Variants in FIBP observed in about 807,000 individuals in gnomAD.
FIBP encodes the protein acidic fibroblast growth factor intracellular-binding protein.
Under a neutral mutation model 40.5 loss-of-function variants are expected in FIBP, and 29 were observed. That is an observed-to-expected ratio of 0.72 (90% CI 0.53 to 0.98). The LOEUF is 0.98. Ranked by LOEUF, FIBP falls within the 50% of genes least tolerant of loss-of-function variation. The pLI, the probability that FIBP is intolerant of heterozygous loss-of-function variation, is 0.00. For synonymous variants in FIBP, 215 were observed against 191.1 expected, an observed-to-expected ratio of 1.13 and a Z score of -1.03; for missense variants, 411 against 470.2, an observed-to-expected ratio of 0.87 and a Z score of 1.16.
In FIBP at chr11:65,884,460, C is replaced by A. The variant is rs1215789067; in HGVS notation, c.936G>T (p.Trp312Cys). The A allele has an allele frequency of 6.2e-7, 1 of 1,614,014 alleles. No individual in the cohort carries two copies. The highest frequency in any genetic ancestry group is 1.3e-5 in the African/African-American group (1 of 74,886). The change falls in exon 9 of 10, where the codon TGG becomes TGT. Residue 312 changes from tryptophan to cysteine, a missense_variant. Trp to Cys is a radical substitution (Grantham distance 215, BLOSUM62 -2). Transcript: ENST00000357519. The stretch of plus-strand genomic sequence containing the variant: ...GGAAGAACCGCACGTCGCTGAGTGG[C>A]CAGTGGTCGGAGCGGCAGGGTTCCA... Reference protein sequence around the residue: ...KFVEPCRSDHWPLSDVRFFLN... With the variant: ...KFVEPCRSDHCPLSDVRFFLN...
intron 1 of FIBP, 75 bp downstream of exon 1, chr11:65,888,257 CAA>C (rs1860297523): frequency 6.0e-6 from 9 of 1,487,820 alleles, no homozygotes; most frequent in African/African-American, 1.4e-5. Flanking sequence ...AAAGGATGCC[CAA>C]GTCTTAGCCC....
intron 4 of FIBP, 66 bp from the exon 5 acceptor site, chr11:65,885,729 G>A: frequency 2.7e-6 from 4 of 1,497,540 alleles, no homozygotes; most frequent in Non-Finnish European, 3.6e-6. Flanking sequence ...GCTCCCACCT[G>A]CAACCTCAGC....
chr11:65,884,738 G>A (rs1399417519), intron 7 of FIBP, 82 bp from the exon 8 acceptor site: 1 of 1,432,576 alleles, frequency 7.0e-7, no homozygotes, highest in African/African-American at 1.4e-5. Context: ...AGGAGGAGCA[G>A]GCCCCTCCCC....
chr11:65,884,798 G>T, intron 7 of FIBP, 137 bp downstream of exon 7: 2 of 1,315,582 alleles, frequency 1.5e-6, no homozygotes, highest in Non-Finnish European at 2.2e-6. Context: ...TTTATGAGCT[G>T]CTCCCGTCAG....
Position 65,884,028 on chromosome 11 carries a change from C to A in FIBP, c.1020G>T (p.Trp340Cys), listed in dbSNP as rs1860161427. 6.2e-7 allele frequency: 1 copy of A among 1,613,678 alleles called. No homozygotes were observed. Among genetic ancestry groups the A allele is most frequent in the Non-Finnish European group, 8.5e-7 (1 of 1,179,866 alleles). The change falls in exon 10 of 10, where the codon TGG becomes TGT. Residue 340 changes from tryptophan to cysteine, a missense_variant. Physicochemically the swap from Trp to Cys is radical, Grantham distance 215. Transcript: ENST00000357519. Reference protein sequence around the residue: ...SLDGFRHQALWDRYMGTLRGC... With the variant: ...SLDGFRHQALCDRYMGTLRGC... ...CGCGGAGGGTGCCCATGTAGCGGTCCCAGAGGGCCTGGTGTCTGTAAGAAC... is the reference window on the plus strand; with the variant it reads ...CGCGGAGGGTGCCCATGTAGCGGTCACAGAGGGCCTGGTGTCTGTAAGAAC...
At chr11:65,885,771 C>T (rs568617) in intron 4 of FIBP, 108 bp from the exon 5 acceptor site, 231,344 of 1,095,490 alleles carry the variant, frequency 0.21, 28,586 homozygotes, top group African/African-American at 0.46. Flanking sequence ...CTCTCTGCCT[C>T]AAGTCACTGT....
chr11:65,888,264 T>C lies in FIBP; in HGVS notation c.85+70A>G, dbSNP rs1009465603. Reference sequence around the variant, plus strand: ...ACTTCCCTAAAGGATGCCCAAGTCTTAGCCCCGCCCCCTCTCCCATTCAAC... The same window carrying C: ...ACTTCCCTAAAGGATGCCCAAGTCTCAGCCCCGCCCCCTCTCCCATTCAAC... On this transcript the variant is annotated intron_variant, in intron 1 of 9. Coordinates refer to ENST00000357519, the MANE Select transcript of FIBP (RefSeq NM_004214.5). The C allele has an allele frequency of 7.3e-6, 11 of 1,496,642 alleles. No homozygotes were observed. In the Middle Eastern group the frequency reaches 8.5e-4, roughly 115 times the overall value. The allele number at this position is 1,496,642 out of a possible 1,614,324, so 92.7% of individuals were successfully genotyped here.
chr11:65,888,207 CT>C, intron 1 of FIBP, 75 bp from the exon 2 acceptor site: 1 of 1,480,942 alleles, frequency 6.8e-7, no homozygotes, highest in Non-Finnish European at 9.1e-7. Context: ...TCCCAGACCC[CT>C]ATAACACCTC....
chr11:65,887,375 G>A, intron 3 of FIBP: 2 of 556,958 alleles, frequency 3.6e-6, no homozygotes, highest in South Asian at 3.9e-5. Flanking sequence ...GAACCCAGGA[G>A]GCGGAGGTTG....
chr11:65,884,298 C>G (rs892393123), intron 9 of FIBP, 94 bp downstream of exon 9: 1 of 1,168,510 alleles, frequency 8.6e-7, no homozygotes, highest in African/African-American at 1.5e-5. Flanking sequence ...CCCAGGGTAG[C>G]AGAATGGGGA....
At chr11:65,887,820 T>A (rs768177902) in intron 2 of FIBP, 94 bp from the exon 3 acceptor site, 1 of 1,592,826 alleles carries the variant, frequency 6.3e-7, no homozygotes, top group African/African-American at 1.3e-5. Flanking sequence ...CCCCTTCCAC[T>A]CTCAACTTTC....
rs1302659477 is a variant in FIBP at position 65,885,546 on chromosome 11, C to T, written c.630G>A (p.Trp210Ter). The change falls in exon 5 of 10, where the codon TGG becomes TGA. Residue 210 changes from tryptophan to a stop codon, truncating the protein, a stop_gained. Coordinates refer to ENST00000357519, the MANE Select transcript of FIBP (RefSeq NM_004214.5). LOFTEE classifies it high-confidence loss of function. Reference protein sequence around the residue: ...AFCAELMIQNWTLGAVDSQMD... With the variant: ...AFCAELMIQN ...GGGCCTCACCGACGGCTCCAAGGGT[C>T]CAGTTTTGGATCATGAGCTCAGCGC... 1.2e-6 allele frequency: 2 copies of T among 1,614,024 alleles called. No homozygotes were observed. Among genetic ancestry groups the T allele is most frequent in the Admixed American group, 1.7e-5 (1 of 59,980 alleles).
intron 4 of FIBP, 196 bp downstream of exon 4, chr11:65,886,126 A>G (rs1860229261): frequency 1.9e-6 from 1 of 533,982 alleles, no homozygotes; most frequent in East Asian, 3.1e-5. Context: ...AGATTGCACC[A>G]TTGCATTCCA....
rs559273110 is a variant in FIBP, at chr11:65,884,938, G to A, written c.816C>T (p.Phe272=). The change falls in exon 7 of 10, where the codon TTC becomes TTT. Residue 272 remains phenylalanine (F), a synonymous_variant. Transcript: ENST00000357519. ...GAGGCTGGATGGGACCACAGACCTTGAAGTTGGCTTCCATCTCAGAGAAGA... is the reference window on the plus strand; with the variant it reads ...GAGGCTGGATGGGACCACAGACCTTAAAGTTGGCTTCCATCTCAGAGAAGA... ...LGVFSEMEAN[F]KNLSRGLVNV... is the part of the protein sequence containing the mutation. 1 of 1,614,180 alleles carries A rather than the reference G, an allele frequency of 6.2e-7. No individual in the cohort carries two copies. Among genetic ancestry groups the A allele is most frequent in the South Asian group, 1.1e-5 (1 of 91,086 alleles).
intron 3 of FIBP, 53 bp from the exon 4 acceptor site, chr11:65,886,475 G>A (rs1222759013): frequency 9.6e-5 from 116 of 1,212,162 alleles, no homozygotes; most frequent in South Asian, 2.9e-4. Flanking sequence ...ACACTGTGTC[G>A]CTCACCCAAT....
chr11:65,884,868 G>T, intron 7 of FIBP, 67 bp downstream of exon 7: 1 of 1,579,272 alleles, frequency 6.3e-7, no homozygotes, highest in Non-Finnish European at 8.7e-7. Context: ...GGGCAGAGCT[G>T]CCCGGTAGGG....
intron 2 of FIBP, 26 bp from the exon 3 acceptor site, chr11:65,887,752 AC>A (rs1860276370): frequency 1.2e-6 from 2 of 1,609,720 alleles, no homozygotes; most frequent in Non-Finnish European, 1.7e-6. Flanking sequence ...AACACCATTG[AC>A]CCTCCATAAA....
chr11:65,887,847 C>T (rs760998263), intron 2 of FIBP, 87 bp downstream of exon 2: 1 of 1,588,062 alleles, frequency 6.3e-7, no homozygotes, highest in Non-Finnish European at 8.6e-7. Context: ...CTGGGTAAAT[C>T]CCATCCCTCC....
At chr11:65,885,338 G>C in intron 5 of FIBP, 152 bp from the exon 6 acceptor site, 1 of 899,470 alleles carries the variant, frequency 1.1e-6, no homozygotes, top group Non-Finnish European at 1.8e-6. Context: ...AGGCCACAGA[G>C]AGGCAATGGG....
Sources: allele counts gnomAD v4.1 joint callset, GRCh38; gene constraint gnomAD v4.1.1; transcripts MANE v1.5; gene names NCBI Gene and HGNC (gene_info 2026-07-23, HGNC 2026-07-21).